Variants in GMDS observed in about 807,000 individuals in gnomAD.
The protein encoded by GMDS is GDP-mannose 4,6 dehydratase.
GMDS carries 20 observed loss-of-function variants against 49.9 expected under a neutral mutation model. The ratio of observed to expected loss-of-function variants is 0.40; its 90% CI spans 0.28 to 0.58. The LOEUF is 0.58. Ranked by LOEUF, GMDS falls within the 20% of genes least tolerant of loss-of-function variation. The pLI, the probability that GMDS is intolerant of heterozygous loss-of-function variation, is 0.42. For missense variants in GMDS, 362 were observed against 481.4 expected, an observed-to-expected ratio of 0.75 and a Z score of 2.32; for synonymous variants, 177 against 178.6, an observed-to-expected ratio of 0.99 and a Z score of 0.07.
intron 4 of GMDS, among the ~76,000 whole-genome samples, chr6:2,036,154 C>T (rs1005642660): frequency 2.0e-4 from 30 of 152,240 alleles, no homozygotes; most frequent in African/African-American, 7.0e-4. Context: ...TAATGAAAAT[C>T]AACTCAACCC....
intron 4 of GMDS, among the ~76,000 whole-genome samples, chr6:2,052,167 TCTC>T (rs1176761687): frequency 3.9e-4 from 55 of 141,532 alleles, no homozygotes; most frequent in African/African-American, 1.4e-3. Flanking sequence ...TAGGCTAAAA[TCTC>T]CTGCTATGTT....
chr6:1,920,234 C>T (rs1389571314), intron 7 of GMDS, among the ~76,000 whole-genome samples: 1 of 152,226 alleles, frequency 6.6e-6, no homozygotes, highest in African/African-American at 2.4e-5. Context: ...TGAGGATGAG[C>T]CTGGGAACCT....
intron 1 of GMDS, among the ~76,000 whole-genome samples, chr6:2,193,825 G>A (rs1337107235): frequency 6.9e-6 from 1 of 144,572 alleles, no homozygotes; most frequent in Non-Finnish European, 1.5e-5. Flanking sequence ...CCAGGTTCAC[G>A]CCATTCTCCT....
intron 1 of GMDS, among the ~76,000 whole-genome samples, chr6:2,187,261 T>C (rs2127565933): frequency 6.6e-6 from 1 of 152,304 alleles, no homozygotes; most frequent in Non-Finnish European, 1.5e-5. Context: ...CTACTTCACT[T>C]CTACCCCACT....
chr6:1,655,521 ATT>A lies in GMDS; in HGVS notation c.988-30983_988-30982del, dbSNP rs70989196. On this transcript the variant is annotated intron_variant, in intron 9 of 10. Transcript: ENST00000380815. The stretch of plus-strand genomic sequence containing the variant: ...TACACACACACACACACACACACAT[ATT>A]TTTTTTTTTTGAGACGGAGTCTCGC... Among the ~76,000 whole-genome samples the A allele has an allele frequency of 3.3e-3, 481 of 144,548 alleles. 4 individuals carry two copies. Among genetic ancestry groups the A allele is most frequent in the African/African-American group, 0.011 (437 of 39,142 alleles). The allele number at this position is 144,548 out of a possible 152,430, so 94.8% of individuals were successfully genotyped here. A position where few individuals can be genotyped will look rare whatever the true frequency, so the allele number is the denominator to read the frequency against.
intron 7 of GMDS, among the ~76,000 whole-genome samples, chr6:1,795,125 G>A (rs765572305): frequency 1.3e-5 from 2 of 152,124 alleles, no homozygotes; most frequent in African/African-American, 2.4e-5. Context: ...ACTTGAGTCC[G>A]GGAGGCAGAG....
chr6:1,762,291 A>G (rs1768190083), intron 7 of GMDS, among the ~76,000 whole-genome samples: 1 of 152,162 alleles, frequency 6.6e-6, no homozygotes, highest in Non-Finnish European at 1.5e-5. Flanking sequence ...TTATCCTGCC[A>G]TTTGGTACTG....
chr6:2,176,706 C>G (rs931003466), intron 1 of GMDS, among the ~76,000 whole-genome samples: 2 of 152,114 alleles, frequency 1.3e-5, no homozygotes, highest in African/African-American at 4.8e-5. Flanking sequence ...CTCACACTCC[C>G]TCTCAGAAAC....
At chr6:1,654,692 G>A (rs1044417358) in intron 9 of GMDS, among the ~76,000 whole-genome samples, 4 of 152,132 alleles carry the variant, frequency 2.6e-5, no homozygotes, top group Non-Finnish European at 5.9e-5. Context: ...CACTGTGAAT[G>A]TACTTAATGC....
chr6:1,641,956 G>C (rs1295136047), intron 9 of GMDS, among the ~76,000 whole-genome samples: 1 of 152,064 alleles, frequency 6.6e-6, no homozygotes, highest in Non-Finnish European at 1.5e-5. Flanking sequence ...GAAGTTCTCA[G>C]AACCCCGAAG....
At chr6:2,023,327 A>G (rs958983095) in intron 4 of GMDS, among the ~76,000 whole-genome samples, 1 of 152,236 alleles carries the variant, frequency 6.6e-6, no homozygotes, top group Admixed American at 6.5e-5. Flanking sequence ...CATAAGCTAC[A>G]AAAGGACAGG....
intron 6 of GMDS, among the ~76,000 whole-genome samples, chr6:1,953,344 T>C (rs1332575910): frequency 6.6e-6 from 1 of 152,240 alleles, no homozygotes; most frequent in East Asian, 1.9e-4. Context: ...GAATATTATG[T>C]GTGTTTCACC....
intron 7 of GMDS, among the ~76,000 whole-genome samples, chr6:1,920,634 T>G (rs1761668795): frequency 6.6e-6 from 1 of 152,228 alleles, no homozygotes; most frequent in African/African-American, 2.4e-5. Context: ...TGAGAGATAT[T>G]TACATCTATT....
At chr6:2,013,715 C>T (rs1355135822) in intron 4 of GMDS, among the ~76,000 whole-genome samples, 15 of 151,696 alleles carry the variant, frequency 9.9e-5, no homozygotes, top group African/African-American at 3.6e-4. Flanking sequence ...ATAGATGCAT[C>T]GCAAACTACA....
At chr6:2,222,743 T>C (rs1045508379) in intron 1 of GMDS, among the ~76,000 whole-genome samples, 1 of 152,186 alleles carries the variant, frequency 6.6e-6, no homozygotes, top group African/African-American at 2.4e-5. Flanking sequence ...GGGGGAAATC[T>C]GGACAGATAC....
At chr6:1,628,734 C>G (rs758899250) in intron 9 of GMDS, among the ~76,000 whole-genome samples, 15 of 152,092 alleles carry the variant, frequency 9.9e-5, no homozygotes, top group Non-Finnish European at 2.1e-4. Flanking sequence ...ACTCTTGATG[C>G]CCTAAATAGG....
At chr6:2,032,383 G>A (rs1432500759) in intron 4 of GMDS, among the ~76,000 whole-genome samples, 2 of 152,184 alleles carry the variant, frequency 1.3e-5, no homozygotes, top group Non-Finnish European at 2.9e-5. Context: ...AAATCTGCAA[G>A]CCTTCTCAGG....
chr6:2,068,971 T>C (rs1008994402), intron 4 of GMDS, among the ~76,000 whole-genome samples: 4 of 151,852 alleles, frequency 2.6e-5, no homozygotes, highest in African/African-American at 9.7e-5. Context: ...CAAGCCTAAG[T>C]CAAAAGAACA....
At chr6:1,977,893 C>T (rs1283558736) in intron 4 of GMDS, among the ~76,000 whole-genome samples, 1 of 152,162 alleles carries the variant, frequency 6.6e-6, no homozygotes, top group African/African-American at 2.4e-5. Flanking sequence ...CCAGGATATC[C>T]AGCAAATATG....
Sources: allele counts gnomAD v4.1 joint callset (sites outside exome capture counted in the v4.1 genomes callset), GRCh38; gene constraint gnomAD v4.1.1; transcripts MANE v1.5; gene names NCBI Gene and HGNC (gene_info 2026-07-23, HGNC 2026-07-21).